The following PREX2 variants were observed in gnomAD, a reference collection of about 807,000 sequenced individuals.
PREX2 encodes phosphatidylinositol 3,4,5-trisphosphate-dependent Rac exchanger 2 protein.
A neutral mutation model predicts 203.2 loss-of-function variants in PREX2; 107 were observed. The ratio of observed to expected loss-of-function variants is 0.53; its 90% CI spans 0.45 to 0.62. The LOEUF is 0.62. PREX2 is among the 20% of genes least tolerant of loss of function. The probability of loss-of-function intolerance (pLI) is 0.00; values close to 1 mark genes in which losing one functional copy is unlikely to be tolerated. For synonymous variants in PREX2, 672 were observed against 663.6 expected (o/e 1.01, Z -0.19); for missense variants, 1,777 against 1,955.9 (o/e 0.91, Z 1.72).
At chr8:68,206,766 G>T (rs2129615021) in intron 37 of PREX2, among the ~76,000 whole-genome samples, 1 of 152,308 alleles carries the variant, frequency 6.6e-6, no homozygotes, top group Non-Finnish European at 1.5e-5. Flanking sequence ...ACTGCTATGT[G>T]TCAAGCACTT....
intron 35 of PREX2, among the ~76,000 whole-genome samples, chr8:68,186,761 C>G (rs879314930): frequency 9.9e-5 from 15 of 152,202 alleles, no homozygotes; most frequent in African/African-American, 3.6e-4. Context: ...ATCCACCCAC[C>G]TCAGCCTCCC....
In PREX2 at chr8:68,119,811, A is replaced by C. The variant is rs534414558; in HGVS notation, c.3504+297A>C. ...TTTTTTGTTTTCAGAAAGCTTTATG[A>C]TATTTCTTGCTCAATATTATTTCTA... On this transcript the variant is annotated intron_variant, in intron 28 of 39. Coordinates refer to ENST00000288368, the MANE Select transcript of PREX2 (RefSeq NM_024870.4). 3.3e-5 allele frequency among the ~76,000 whole-genome samples: 5 copies of C among 152,094 alleles called. No homozygotes were observed. In the East Asian group the frequency reaches 9.7e-4, roughly 29 times the overall value.
chr8:68,213,502 G>A (rs933542066), intron 37 of PREX2, among the ~76,000 whole-genome samples: 1 of 152,094 alleles, frequency 6.6e-6, no homozygotes, highest in African/African-American at 2.4e-5. Context: ...TTTGGCAAAA[G>A]AATAAATGAA....
intron 33 of PREX2, among the ~76,000 whole-genome samples, chr8:68,141,592 G>C (rs1035082999): frequency 6.6e-6 from 1 of 152,190 alleles, no homozygotes; most frequent in Non-Finnish European, 1.5e-5. Context: ...GACTGGTGGA[G>C]GATTCTCTGC....
At chr8:67,983,548 C>A (rs7459430) in intron 1 of PREX2, among the ~76,000 whole-genome samples, 33,557 of 152,104 alleles carry the variant, frequency 0.22, 4,787 homozygotes, top group East Asian at 0.54. Context: ...AGTTCAGTCA[C>A]CCACAATGGC....
intron 35 of PREX2, among the ~76,000 whole-genome samples, chr8:68,162,582 A>T (rs944607292): frequency 2.0e-5 from 3 of 152,160 alleles, no homozygotes; most frequent in African/African-American, 7.2e-5. Flanking sequence ...TTTACATGGC[A>T]TCCAAAGATG....
At chr8:68,133,588 A>G (rs1474406779) in intron 31 of PREX2, among the ~76,000 whole-genome samples, 1 of 152,164 alleles carries the variant, frequency 6.6e-6, no homozygotes, top group African/African-American at 2.4e-5. Context: ...CCCCATGTGT[A>G]TTTCACATTA....
At chr8:68,093,004 A>G (rs921491671) in intron 20 of PREX2, among the ~76,000 whole-genome samples, 1 of 152,152 alleles carries the variant, frequency 6.6e-6, no homozygotes, top group South Asian at 2.1e-4. Flanking sequence ...GATATACTTG[A>G]AGCATTTAAG....
At chr8:68,080,261 T>C (rs1809471858) in intron 15 of PREX2, among the ~76,000 whole-genome samples, 182 bp from the exon 16 acceptor site, 1 of 142,952 alleles carries the variant, frequency 7.0e-6, no homozygotes, top group African/African-American at 2.6e-5. Flanking sequence ...AAGGAGACAT[T>C]GGCTCGAAAT....
At chr8:68,214,101 G>A (rs1812789922) in intron 37 of PREX2, among the ~76,000 whole-genome samples, 1 of 152,102 alleles carries the variant, frequency 6.6e-6, no homozygotes, top group South Asian at 2.1e-4. Flanking sequence ...GGGGCATCAG[G>A]TAAGAAACTC....
chr8:68,204,600 A>C (rs1394086020), intron 37 of PREX2, among the ~76,000 whole-genome samples: 1 of 149,066 alleles, frequency 6.7e-6, no homozygotes, highest in Non-Finnish European at 1.5e-5. Context: ...TCTCTGCTGC[A>C]TTCTGTTCAG....
chr8:68,109,849 A>G (rs560474780), intron 25 of PREX2, among the ~76,000 whole-genome samples: 1 of 152,358 alleles, frequency 6.6e-6, no homozygotes, highest in South Asian at 2.1e-4. Context: ...GAGAATGACA[A>G]AATTCTGTCT....
chr8:68,139,338 C>G (rs1467292556), intron 33 of PREX2, among the ~76,000 whole-genome samples: 1 of 151,990 alleles, frequency 6.6e-6, no homozygotes, highest in Non-Finnish European at 1.5e-5. Context: ...AGCAGTGTCC[C>G]AGGCTCACTG....
chr8:67,967,980 G>A (rs1055989736), intron 1 of PREX2, among the ~76,000 whole-genome samples: 2 of 151,376 alleles, frequency 1.3e-5, no homozygotes, highest in African/African-American at 4.9e-5. Context: ...TGTAAATGAC[G>A]AGTTAATGGA....
In PREX2 at chr8:68,135,099, T is replaced by TGTGTGTGTGTGTGTGTGTGTGTGTG. The variant is rs58263470; in HGVS notation, c.3984+823_3984+824insGTGTGTGTGTGTGTGTGTGTGTGTG. Reference sequence around the variant, plus strand: ...ACATGTTTGAGCTTAAAAACAAATTTTGTGTGTGTGTGTGTGTGTGTGTGT... The same window carrying TGTGTGTGTGTGTGTGTGTGTGTGTG: ...ACATGTTTGAGCTTAAAAACAAATTTGTGTGTGTGTGTGTGTGTGTGTGTGTGTGTGTGTGTGTGTGTGTGTGTGT... On this transcript the variant is annotated intron_variant, in intron 32 of 39. Transcript: ENST00000288368. 4.0e-4 allele frequency among the ~76,000 whole-genome samples: 60 copies of TGTGTGTGTGTGTGTGTGTGTGTGTG among 148,898 alleles called. 1 individual carries two copies. The highest frequency in any genetic ancestry group is 8.7e-4 in the South Asian group (4 of 4,614).
intron 35 of PREX2, among the ~76,000 whole-genome samples, chr8:68,185,432 C>G (rs778704005): frequency 3.9e-5 from 6 of 152,092 alleles, no homozygotes; most frequent in Admixed American, 1.3e-4. Context: ...TACAGCTTTC[C>G]CAGTTTGACC....
In PREX2 at chr8:68,134,127, T is replaced by C; in HGVS notation, c.3835T>C (p.Ser1279Pro). 1 of 1,614,166 alleles carries C rather than the reference T, an allele frequency of 6.2e-7. No homozygotes were observed. Among genetic ancestry groups the C allele is most frequent in the Non-Finnish European group, 8.5e-7 (1 of 1,180,006 alleles). ...TCTTGTGGCCACTGTCTGTGCCTTCTCTGAGCAGCTCATGGCGGCCTTGAA... is the reference window on the plus strand; with the variant it reads ...TCTTGTGGCCACTGTCTGTGCCTTCCCTGAGCAGCTCATGGCGGCCTTGAA... ...QTLVATVCAF[S>P]EQLMAALNQM... The change falls in exon 32 of 40, where the codon TCT (serine) becomes CCT (proline). Residue 1279 changes from serine to proline, a missense_variant. By Grantham distance (74) the Ser-to-Pro change is moderately conservative (BLOSUM62 -1). Transcript: ENST00000288368.
chr8:68,070,710 G>A (rs1809169191), intron 13 of PREX2, among the ~76,000 whole-genome samples: 1 of 152,224 alleles, frequency 6.6e-6, no homozygotes, highest in South Asian at 2.1e-4. Context: ...AAATCCAAAT[G>A]TTTAGTGTTT....
chr8:68,045,969 G>A (rs1808340742), intron 8 of PREX2, among the ~76,000 whole-genome samples: 1 of 152,138 alleles, frequency 6.6e-6, no homozygotes, highest in Admixed American at 6.6e-5. Context: ...TAACCTGCAT[G>A]TTCAAGAGAC....
Sources: allele counts gnomAD v4.1 joint callset (sites outside exome capture counted in the v4.1 genomes callset), GRCh38; gene constraint gnomAD v4.1.1; transcripts MANE v1.5; gene names NCBI Gene and HGNC (gene_info 2026-07-23, HGNC 2026-07-21).